ATP9A: variants seen among roughly 807,000 people sequenced by gnomAD.
ATP9A encodes ATPase phospholipid transporting 9A, also known as probable phospholipid-transporting ATPase IIA.
In ATP9A, 52 loss-of-function variants were observed where a neutral mutation model predicts 144.1. That is an observed-to-expected ratio of 0.36 (90% CI 0.29 to 0.45). The LOEUF (loss-of-function observed/expected upper bound fraction) is 0.45. Among genes scored for constraint, ATP9A ranks in the 20% least tolerant of loss-of-function variants. ATP9A has a pLI of 1.00. For synonymous variants in ATP9A, 582 were observed against 557.4 expected (o/e 1.04, Z -0.62); for missense variants, 947 against 1,392.7 (o/e 0.68, Z 5.09).
intron 1 of ATP9A, among the ~76,000 whole-genome samples, chr20:51,757,172 A>G (rs2122913805): frequency 6.6e-6 from 1 of 152,212 alleles, no homozygotes; most frequent in East Asian, 1.9e-4. Flanking sequence ...CAAACCCAAA[A>G]TATCGGCCAG....
In ATP9A at chr20:51,618,938, G is replaced by A. The variant is rs758635683; in HGVS notation, c.2205+16C>T. 3.1e-6 allele frequency: 5 copies of A among 1,613,448 alleles called. No individual in the cohort carries two copies. The Admixed American group carries it at 8.3e-5, about 27-fold the overall frequency. On this transcript the variant is annotated intron_variant, in intron 20 of 27. Coordinates refer to ENST00000338821, the MANE Select transcript of ATP9A (RefSeq NM_006045.3). ...GGCTGCTGGGAGGACTGGCTCTCAG[G>A]GGTCCCCAAGCTCACCTCCAGGGAG...
chr20:51,639,197 T>C, intron 15 of ATP9A, 146 bp downstream of exon 15: 2 of 918,866 alleles, frequency 2.2e-6, no homozygotes, highest in Non-Finnish European at 3.3e-6. Context: ...ACTAATTTCC[T>C]TTCTGCTTAG....
chr20:51,706,744 CATTTCAAA>C (rs1210572639), intron 4 of ATP9A, among the ~76,000 whole-genome samples: 1 of 152,170 alleles, frequency 6.6e-6, no homozygotes, highest in Non-Finnish European at 1.5e-5. Flanking sequence ...AGTGAAATCC[CATTTCAAA>C]AATAAAGAAC....
chr20:51,718,132 C>T (rs1432689384), intron 3 of ATP9A, among the ~76,000 whole-genome samples: 14 of 152,134 alleles, frequency 9.2e-5, no homozygotes, highest in African/African-American at 2.9e-4. Context: ...CTGCACATCA[C>T]GCTTGAGATA....
At chr20:51,749,840 C>A (rs1190823562) in intron 1 of ATP9A, among the ~76,000 whole-genome samples, 4 of 152,010 alleles carry the variant, frequency 2.6e-5, no homozygotes, top group Non-Finnish European at 5.9e-5. Flanking sequence ...ACTCAGTACA[C>A]TTTTTTCTAA....
chr20:51,605,991 C>T (rs905055690), intron 26 of ATP9A, among the ~76,000 whole-genome samples: 12 of 151,968 alleles, frequency 7.9e-5, no homozygotes, highest in African/African-American at 2.9e-4. Flanking sequence ...AAACCCCAGC[C>T]AGTCGCGGTG....
chr20:51,726,685 C>A lies in ATP9A; in HGVS notation c.214-753G>T, dbSNP rs112481256. 3.2e-3 allele frequency among the ~76,000 whole-genome samples: 493 copies of A among 152,078 alleles called. 1 individual carries two copies. Among genetic ancestry groups the A allele is most frequent in the African/African-American group, 0.011 (449 of 41,496 alleles). On this transcript the variant is annotated intron_variant, in intron 2 of 27. Coordinates refer to ENST00000338821, the MANE Select transcript of ATP9A (RefSeq NM_006045.3). ...CCTCGAATTCCTGGGCTCAGGCGAT[C>A]CTCCTGTCACAGCCTCCCAAGTAGC...
At chr20:51,665,891 A>G (rs541312614) in intron 13 of ATP9A, among the ~76,000 whole-genome samples, 19 of 152,252 alleles carry the variant, frequency 1.2e-4, no homozygotes, top group African/African-American at 4.6e-4. Context: ...TTTTAAAACC[A>G]CCTGCTCTCT....
intron 16 of ATP9A, 47 bp downstream of exon 16, chr20:51,628,933 C>T: frequency 6.5e-7 from 1 of 1,529,424 alleles, no homozygotes; most frequent in Non-Finnish European, 9.1e-7. Context: ...GCTGCCTCTG[C>T]AGAACATGCT....
chr20:51,687,775 A>G (rs6126299), intron 9 of ATP9A, among the ~76,000 whole-genome samples: 36,104 of 147,498 alleles, frequency 0.24, 5,024 homozygotes, highest in East Asian at 0.47. Flanking sequence ...AAAAAAAAAA[A>G]AATGAATGAA....
At chr20:51,701,356 T>C (rs1385341096) in intron 4 of ATP9A, among the ~76,000 whole-genome samples, 3 of 152,216 alleles carry the variant, frequency 2.0e-5, no homozygotes, top group Non-Finnish European at 4.4e-5. Flanking sequence ...ATTTTTCACA[T>C]GAATTGTTTT....
At chr20:51,630,975 T>C (rs1365851264) in intron 15 of ATP9A, among the ~76,000 whole-genome samples, 1 of 152,036 alleles carries the variant, frequency 6.6e-6, no homozygotes, top group Non-Finnish European at 1.5e-5. Flanking sequence ...ATCCACCTGT[T>C]TTCCTGCCGC....
intron 9 of ATP9A, among the ~76,000 whole-genome samples, chr20:51,683,099 AAAT>A (rs2077507514): frequency 6.6e-6 from 1 of 151,678 alleles, no homozygotes; most frequent in Non-Finnish European, 1.5e-5. Context: ...CTCAAAAAAA[AAAT>A]AATAATAAAC....
chr20:51,744,390 G>A (rs1254947264), intron 1 of ATP9A, among the ~76,000 whole-genome samples: 1 of 152,048 alleles, frequency 6.6e-6, no homozygotes, highest in Non-Finnish European at 1.5e-5. Context: ...AGTTTCAAAC[G>A]CCTGACCTCA....
chr20:51,607,419 CCTG>C (rs2077167730), intron 26 of ATP9A, 105 bp downstream of exon 26: 15 of 1,024,098 alleles, frequency 1.5e-5, no homozygotes, highest in Non-Finnish European at 2.1e-5. Flanking sequence ...CACCCTCCTT[CCTG>C]CTATTTCAGA....
rs896019690 is a variant in ATP9A, at chr20:51,611,248, G to C, written c.2572-1083C>G. 3.9e-5 allele frequency among the ~76,000 whole-genome samples: 6 copies of C among 152,196 alleles called. No homozygotes were observed. Among genetic ancestry groups the C allele is most frequent in the Non-Finnish European group, 5.9e-5 (4 of 68,040 alleles). On this transcript the variant is annotated intron_variant, in intron 23 of 27. Transcript: ENST00000338821. This position sits in a 1 kb window ranked among gnomAD's most constrained non-coding sequence, Gnocchi z 4.2. ...GAAACACGTGCTTTCTCGGCACAGA[G>C]CTCAGAGCGCAGGTGATCCTGAGCG...
intron 1 of ATP9A, among the ~76,000 whole-genome samples, chr20:51,752,835 T>C (rs2077838320): frequency 6.6e-6 from 1 of 152,158 alleles, no homozygotes; most frequent in Non-Finnish European, 1.5e-5. Context: ...GGGTACAGTG[T>C]CTCATGCCTA....
At chr20:51,609,014 A>G (rs1385308233) in intron 24 of ATP9A, among the ~76,000 whole-genome samples, 1 of 151,090 alleles carries the variant, frequency 6.6e-6, no homozygotes, top group Non-Finnish European at 1.5e-5. Flanking sequence ...AACACCCACA[A>G]AAGGTGAGGG....
At chr20:51,682,010 CG>C (rs1431716678) in intron 9 of ATP9A, among the ~76,000 whole-genome samples, 1 of 151,886 alleles carries the variant, frequency 6.6e-6, no homozygotes, top group Admixed American at 6.6e-5. Context: ...GGAGCTTCTT[CG>C]GGGGTGGACG....
Sources: gnomAD v4.1 joint callset for allele counts (sites outside exome capture counted in the v4.1 genomes callset) on GRCh38, gnomAD v4.1.1 for gene constraint, Gnocchi (gnomAD v3.1) non-coding constraint, MANE v1.5 for transcripts, NCBI Gene and HGNC (gene_info 2026-07-23, HGNC 2026-07-21) for gene names.